Variants in WWOX observed in about 807,000 individuals in gnomAD.
WWOX encodes WW domain containing oxidoreductase, also known as WW domain-containing oxidoreductase.
In WWOX, 69 loss-of-function variants were observed where a neutral mutation model predicts 46.2. That is an observed-to-expected ratio of 1.49 (90% CI 1.23 to 1.82). WWOX has a LOEUF of 1.82. WWOX is among the 40% of genes most tolerant of loss of function. The pLI is 0.00. For missense variants in WWOX, 919 were observed against 542.6 expected (o/e 1.69, Z -6.89); for synonymous variants, 359 against 202.6 (o/e 1.77, Z -6.56).
chr16:78,899,150 T>A (rs1001009294), intron 8 of WWOX: 1 of 152,172 alleles, frequency 6.6e-6, no homozygotes, highest in African/African-American at 2.4e-5. Context: ...GAGACAGACA[T>A]CATTGCTTTA....
intron 8 of WWOX, among the ~76,000 whole-genome samples, chr16:78,949,220 C>T (rs894580964): frequency 6.6e-6 from 1 of 152,166 alleles, no homozygotes; most frequent in Non-Finnish European, 1.5e-5. Context: ...TTGTGAGTGG[C>T]CTTGTGAGAC....
At chr16:78,723,201 C>T (rs2048735213) in intron 8 of WWOX, among the ~76,000 whole-genome samples, 1 of 152,206 alleles carries the variant, frequency 6.6e-6, no homozygotes, top group Admixed American at 6.5e-5. Context: ...GCTTTCTTAG[C>T]AGCTACAGAA....
Position 78,386,894 on chromosome 16 carries a change from T to G in WWOX, c.551T>G (p.Leu184Arg), listed in dbSNP as rs1175680739. The G allele has an allele frequency of 1.2e-6, 2 of 1,614,138 alleles. No homozygotes were observed. Among genetic ancestry groups the G allele is most frequent in the South Asian group, 2.2e-5 (2 of 91,070 alleles). The change falls in exon 6 of 9, where the codon CTC (leucine) becomes CGC (arginine). Residue 184 changes from leucine (L) to arginine (R), a missense_variant. By Grantham distance (102) the Leu-to-Arg change is moderately radical (BLOSUM62 -2). Transcript: ENST00000566780. ...AAGGTAGAAGCAATGACCCTGGACC[T>G]CGCTCTGCTCCGTAGCGTGCAGCAT... ...KAKVEAMTLD[L>R]ALLRSVQHFA...
chr16:79,155,309 G>A (rs2050359865), intron 8 of WWOX, among the ~76,000 whole-genome samples: 1 of 152,178 alleles, frequency 6.6e-6, no homozygotes, highest in Admixed American at 6.5e-5. Flanking sequence ...CAGGGAGGAA[G>A]AGGTTGCAGT....
chr16:78,530,298 C>T (rs2043591030), intron 8 of WWOX, among the ~76,000 whole-genome samples: 1 of 152,160 alleles, frequency 6.6e-6, no homozygotes, highest in Non-Finnish European at 1.5e-5. Flanking sequence ...CCTTTTGCAC[C>T]CACATCTGGG....
At chr16:78,751,974 A>G (rs772318394) in intron 8 of WWOX, among the ~76,000 whole-genome samples, 1 of 150,422 alleles carries the variant, frequency 6.6e-6, no homozygotes, top group Admixed American at 6.6e-5. Context: ...GGCTGCCACA[A>G]TACTTCTAAA....
At chr16:79,040,234 C>G (rs772371864) in intron 8 of WWOX, among the ~76,000 whole-genome samples, 6 of 151,660 alleles carry the variant, frequency 4.0e-5, no homozygotes, top group Non-Finnish European at 8.8e-5. Context: ...AGAGCCAAGT[C>G]CCACATCTCA....
chr16:79,122,076 A>T (rs1597393732), intron 8 of WWOX, among the ~76,000 whole-genome samples: 2 of 152,140 alleles, frequency 1.3e-5, no homozygotes, highest in East Asian at 3.9e-4. Context: ...GTAGGGTGTG[A>T]GGGTGTGTGC....
At chr16:78,330,835 C>T (rs2080739254) in intron 5 of WWOX, among the ~76,000 whole-genome samples, 2 of 152,208 alleles carry the variant, frequency 1.3e-5, no homozygotes, top group South Asian at 4.1e-4. Flanking sequence ...CAAACTTCCT[C>T]CTGGAAACAG....
At chr16:78,642,770 G>C (rs541597369) in intron 8 of WWOX, among the ~76,000 whole-genome samples, 113 of 152,174 alleles carry the variant, frequency 7.4e-4, no homozygotes, top group Admixed American at 1.0e-3. Context: ...GGGGAACTCA[G>C]GGCGTGAGGC....
At chr16:78,180,822 G>A (rs962669293) in intron 5 of WWOX, among the ~76,000 whole-genome samples, 1 of 152,158 alleles carries the variant, frequency 6.6e-6, no homozygotes, top group African/African-American at 2.4e-5. Flanking sequence ...CAGAGCAGGT[G>A]TATACATGAG....
chr16:79,078,073 C>T (rs866450977), intron 8 of WWOX: 1 of 152,116 alleles, frequency 6.6e-6, no homozygotes, highest in Non-Finnish European at 1.5e-5. Flanking sequence ...AGGTCCCCTC[C>T]CCAGATTTTT....
At chr16:78,854,415 G>T (rs187786429) in intron 8 of WWOX, among the ~76,000 whole-genome samples, 3 of 152,310 alleles carry the variant, frequency 2.0e-5, no homozygotes, top group Admixed American at 2.0e-4. Context: ...TTGGCAGTGA[G>T]TTCAGGAGAT....
intron 8 of WWOX, among the ~76,000 whole-genome samples, chr16:78,884,008 G>A (rs921862028): frequency 1.3e-5 from 2 of 152,054 alleles, no homozygotes; most frequent in African/African-American, 4.8e-5. Flanking sequence ...GCCAGGCGTG[G>A]TGGCTCATGC....
At chr16:78,978,598 G>A (rs951608738) in intron 8 of WWOX, among the ~76,000 whole-genome samples, 1 of 152,158 alleles carries the variant, frequency 6.6e-6, no homozygotes, top group Non-Finnish European at 1.5e-5. Context: ...TGCACAGGAA[G>A]CATAGAAGCT....
intron 8 of WWOX, among the ~76,000 whole-genome samples, chr16:78,868,197 G>A (rs1487795871): frequency 2.6e-5 from 4 of 152,154 alleles, no homozygotes; most frequent in Non-Finnish European, 5.9e-5. Context: ...ACTCAGCAAT[G>A]AAAAGGAACT....
chr16:78,313,255 C>T (rs1031063638), intron 5 of WWOX, among the ~76,000 whole-genome samples: 1 of 152,206 alleles, frequency 6.6e-6, no homozygotes, highest in Non-Finnish European at 1.5e-5. Context: ...ACTTCCTTAT[C>T]TATAAAATAT....
intron 5 of WWOX, among the ~76,000 whole-genome samples, chr16:78,347,514 A>C (rs2081114768): frequency 1.7e-5 from 2 of 114,742 alleles, no homozygotes; most frequent in Non-Finnish European, 4.1e-5. Flanking sequence ...CGACACCCAC[A>C]CCTCTTGCAT....
At chr16:78,867,510 G>A (rs942445982) in intron 8 of WWOX, among the ~76,000 whole-genome samples, 113 of 143,772 alleles carry the variant, frequency 7.9e-4, no homozygotes, top group African/African-American at 2.8e-3. Flanking sequence ...GTGTGTGTGT[G>A]TATGTGTGTG....
Sources: gnomAD v4.1 joint callset for allele counts (sites outside exome capture counted in the v4.1 genomes callset) on GRCh38, gnomAD v4.1.1 for gene constraint, MANE v1.5 for transcripts, NCBI Gene and HGNC (gene_info 2026-07-23, HGNC 2026-07-21) for gene names.